The following AATF variants were observed in gnomAD, a reference collection of about 807,000 sequenced individuals.
AATF encodes apoptosis antagonizing transcription factor.
Under a neutral mutation model 63.7 loss-of-function variants are expected in AATF, and 48 were observed. The observed-to-expected ratio is 0.75, with a 90% CI of 0.60 to 0.96. The LOEUF is 0.96. AATF is among the 40% of genes least tolerant of loss of function. The pLI is 0.00. For synonymous variants in AATF, 258 were observed against 247.7 expected, an observed-to-expected ratio of 1.04 and a Z score of -0.39; for missense variants, 639 against 685.7, an observed-to-expected ratio of 0.93 and a Z score of 0.76.
chr17:36,964,916 G>C (rs9913149), intron 4 of AATF, among the ~76,000 whole-genome samples: 20,664 of 152,002 alleles, frequency 0.14, 4,472 homozygotes, highest in African/African-American at 0.46. Flanking sequence ...TCTGGGGAGA[G>C]CTACCGCTTT....
intron 4 of AATF, among the ~76,000 whole-genome samples, chr17:36,975,120 C>T (rs2071070271): frequency 6.6e-6 from 1 of 152,198 alleles, no homozygotes; most frequent in East Asian, 1.9e-4. Flanking sequence ...TAAAAGTGTC[C>T]TCTAGAGATA....
chr17:37,011,807 ACCT>A (rs1183949626), intron 8 of AATF, among the ~76,000 whole-genome samples: 1 of 152,148 alleles, frequency 6.6e-6, no homozygotes, highest in African/African-American at 2.4e-5. Context: ...AGATCTTGAG[ACCT>A]TAGCACAGGT....
intron 11 of AATF, among the ~76,000 whole-genome samples, chr17:37,038,755 C>G (rs978069500): frequency 3.3e-5 from 5 of 152,014 alleles, no homozygotes; most frequent in Non-Finnish European, 7.4e-5. Context: ...CCCAAAAATA[C>G]AAAACTACCT....
intron 10 of AATF, among the ~76,000 whole-genome samples, chr17:37,029,527 C>T (rs944606643): frequency 3.3e-5 from 5 of 150,830 alleles, no homozygotes; most frequent in East Asian, 2.0e-4. Context: ...GGATTACAGG[C>T]GTGAGCCACT....
Position 36,988,815 on chromosome 17 carries a change from G to A in AATF, c.1149+95G>A, listed in dbSNP as rs953819190. 6.7e-6 allele frequency: 8 copies of A among 1,199,802 alleles called. No individual in the cohort carries two copies. The African/African-American group carries it at 1.2e-4, about 18-fold the overall frequency. 74.3% of individuals were successfully genotyped at this position (1,199,802 alleles called of 1,614,324 possible). Reference sequence around the variant, plus strand: ...GGAACTACAGCTCATTTATATGGATGTTGTCACGATGTAATGGTAATCATT... The same window carrying A: ...GGAACTACAGCTCATTTATATGGATATTGTCACGATGTAATGGTAATCATT... On this transcript the variant is annotated intron_variant, in intron 6 of 11. Transcript: ENST00000619387.
chr17:36,983,441 G>C (rs147931168), intron 4 of AATF, among the ~76,000 whole-genome samples: 1 of 151,918 alleles, frequency 6.6e-6, no homozygotes, highest in East Asian at 1.9e-4. Context: ...TCCACCTCAC[G>C]GGTCCAAGTG....
chr17:37,036,633 T>A (rs965588668), intron 11 of AATF, among the ~76,000 whole-genome samples: 4 of 152,126 alleles, frequency 2.6e-5, no homozygotes, highest in Non-Finnish European at 5.9e-5. Context: ...AAATGCAAAG[T>A]AGCCAAGTTG....
At position 36,988,529 on chromosome 17, in the gene AATF, T is replaced by C; in HGVS notation, c.958T>C (p.Ser320Pro). 6.2e-7 allele frequency: 1 copy of C among 1,613,998 alleles called. No homozygotes were observed. Among genetic ancestry groups the C allele is most frequent in the Non-Finnish European group, 8.5e-7 (1 of 1,179,994 alleles). ...TTACTGCTTTTCTAGTGAGGAGATT[T>C]CTAGTGAAGATGATGAGCTGGTAGA... ...TKPNAGSEEI[S>P]SEDDELVEEK... The change falls in exon 6 of 12, where the codon TCT becomes CCT. Residue 320 changes from serine (S) to proline (P), a missense_variant. By Grantham distance (74) the Ser-to-Pro change is moderately conservative (BLOSUM62 -1). Coordinates refer to ENST00000619387, the MANE Select transcript of AATF (RefSeq NM_012138.4).
intron 8 of AATF, among the ~76,000 whole-genome samples, chr17:37,002,605 G>T (rs1438491909): frequency 6.6e-6 from 1 of 151,576 alleles, no homozygotes; most frequent in Non-Finnish European, 1.5e-5. Flanking sequence ...CCAGGAGGCG[G>T]AGCTTGCAGT....
chr17:37,021,791 C>T (rs1435673058), intron 10 of AATF, among the ~76,000 whole-genome samples: 1 of 112,524 alleles, frequency 8.9e-6, no homozygotes, highest in Non-Finnish European at 1.6e-5. Flanking sequence ...GGCGACAGAG[C>T]GAGACTCCGT....
chr17:36,975,071 A>G (rs1386277659), intron 4 of AATF, among the ~76,000 whole-genome samples: 1 of 152,206 alleles, frequency 6.6e-6, no homozygotes, highest in Non-Finnish European at 1.5e-5. Flanking sequence ...TTAGTGAAAT[A>G]TGTAACGTAG....
At chr17:36,990,575 A>G (rs1567975621) in intron 7 of AATF, among the ~76,000 whole-genome samples, 199 bp from the exon 8 acceptor site, 2 of 152,150 alleles carry the variant, frequency 1.3e-5, no homozygotes, top group Admixed American at 1.3e-4. Flanking sequence ...TCATATGATT[A>G]TTTATGGGTT....
intron 8 of AATF, among the ~76,000 whole-genome samples, chr17:37,007,467 G>A (rs566636227): frequency 1.3e-5 from 2 of 148,852 alleles, no homozygotes; most frequent in East Asian, 4.0e-4. Flanking sequence ...GCCTTCCAAA[G>A]CGTTGTGATT....
At chr17:36,984,519 A>G (rs1335711999) in intron 4 of AATF, among the ~76,000 whole-genome samples, 1 of 152,192 alleles carries the variant, frequency 6.6e-6, no homozygotes, top group Non-Finnish European at 1.5e-5. Flanking sequence ...ATTATAGGAG[A>G]GGTGTCTGAG....
chr17:36,952,128 G>T (rs1427985609), intron 2 of AATF, among the ~76,000 whole-genome samples: 2 of 152,252 alleles, frequency 1.3e-5, no homozygotes, highest in African/African-American at 4.8e-5. Flanking sequence ...ACTTCCTTGT[G>T]CATCCTGCAC....
intron 4 of AATF, among the ~76,000 whole-genome samples, chr17:36,964,954 T>A (rs143072353): frequency 6.6e-6 from 1 of 152,312 alleles, no homozygotes; most frequent in African/African-American, 2.4e-5. Flanking sequence ...TTTTGTTATC[T>A]CAGTTTACTG....
At chr17:36,970,959 T>C (rs185117509) in intron 4 of AATF, among the ~76,000 whole-genome samples, 1 of 152,186 alleles carries the variant, frequency 6.6e-6, no homozygotes, top group East Asian at 1.9e-4. Flanking sequence ...AACTTAAATA[T>C]AAATCATAAA....
At position 37,020,941 on chromosome 17, in the gene AATF, C is replaced by T. The variant is rs1490241009; in HGVS notation, c.1474C>T (p.Leu492Phe). The T allele has an allele frequency of 6.2e-7, 1 of 1,610,740 alleles. No individual in the cohort carries two copies. Among genetic ancestry groups the T allele is most frequent in the South Asian group, 1.1e-5 (1 of 90,392 alleles). ...NDQVAMGRQW[L>F]AIQKLRSKIH... ...TGCTTGTGAATTTTCCAGGCAGTGG[C>T]TTGCAATCCAGAAGTTACGAAGCAA... is the stretch of plus-strand genomic sequence containing the variant. The change falls in exon 10 of 12, where the codon CTT (leucine) becomes TTT (phenylalanine). Residue 492 changes from leucine to phenylalanine, a missense_variant. Transcript: ENST00000619387.
intron 5 of AATF, 102 bp downstream of exon 5, chr17:36,986,833 G>T: frequency 1.0e-6 from 1 of 967,260 alleles, no homozygotes; most frequent in Admixed American, 2.4e-5. Flanking sequence ...AGATATTAAT[G>T]TTAGTAAAAT....
Sources: allele counts gnomAD v4.1 joint callset (sites outside exome capture counted in the v4.1 genomes callset), GRCh38; gene constraint gnomAD v4.1.1; transcripts MANE v1.5; gene names NCBI Gene and HGNC (gene_info 2026-07-23, HGNC 2026-07-21).